The following MAGI1 variants were observed in gnomAD, a reference collection of about 807,000 sequenced individuals.
The protein encoded by MAGI1 is membrane associated guanylate kinase, WW and PDZ domain containing 1, also known as membrane-associated guanylate kinase, WW and PDZ domain-containing protein 1.
A neutral mutation model predicts 139.9 loss-of-function variants in MAGI1; 58 were observed. The ratio of observed to expected loss-of-function variants is 0.41; its 90% CI spans 0.34 to 0.52. MAGI1 has a LOEUF of 0.52. MAGI1 is among the 20% of genes least tolerant of loss of function. The probability of loss-of-function intolerance (pLI) is 0.12; values close to 1 mark genes in which losing one functional copy is unlikely to be tolerated. For missense variants in MAGI1, 1,874 were observed against 1,901.6 expected (o/e 0.99, Z 0.27); for synonymous variants, 812 against 737.9 (o/e 1.10, Z -1.63).
intron 1 of MAGI1, among the ~76,000 whole-genome samples, chr3:65,716,183 A>G (rs980870569): frequency 1.3e-5 from 2 of 152,218 alleles, no homozygotes; most frequent in Non-Finnish European, 2.9e-5. Flanking sequence ...GAGACACTGT[A>G]TCAGATTCAG....
intron 1 of MAGI1, among the ~76,000 whole-genome samples, chr3:65,960,128 A>T (rs1162182285): frequency 1.3e-5 from 2 of 152,044 alleles, no homozygotes; most frequent in African/African-American, 2.4e-5. Flanking sequence ...TTTTAATACT[A>T]GCAACAACAG....
At chr3:66,003,721 G>C (rs751458592) in intron 1 of MAGI1, 6 of 152,148 alleles carry the variant, frequency 3.9e-5, no homozygotes, top group Middle Eastern at 3.4e-3. Flanking sequence ...CACTCACCTC[G>C]GCCTCCTAAA....
intron 1 of MAGI1, among the ~76,000 whole-genome samples, chr3:65,870,803 C>T (rs377658830): frequency 6.6e-6 from 1 of 151,916 alleles, no homozygotes; most frequent in African/African-American, 2.4e-5. Flanking sequence ...GATATTCAGG[C>T]CGGGCATGGT....
chr3:65,705,329 G>A (rs1206263532), intron 1 of MAGI1, among the ~76,000 whole-genome samples: 2 of 152,120 alleles, frequency 1.3e-5, no homozygotes, highest in Admixed American at 6.5e-5. Context: ...GCTATGATGT[G>A]CTTTTTGAAT....
intron 1 of MAGI1, among the ~76,000 whole-genome samples, chr3:65,768,419 C>CA (rs1001295051): frequency 3.3e-4 from 47 of 141,082 alleles, no homozygotes; most frequent in Middle Eastern, 3.6e-3. Context: ...GATTCAATCT[C>CA]AAAAAAAAAA....
chr3:65,729,860 T>C (rs369988757), intron 1 of MAGI1, among the ~76,000 whole-genome samples: 5 of 152,184 alleles, frequency 3.3e-5, no homozygotes, highest in African/African-American at 7.2e-5. Flanking sequence ...AGGCAGAACA[T>C]TAAAATCACC....
At chr3:65,831,025 T>C (rs569087413) in intron 1 of MAGI1, among the ~76,000 whole-genome samples, 7 of 152,246 alleles carry the variant, frequency 4.6e-5, no homozygotes, top group South Asian at 2.1e-4. Context: ...TGAGCTCCAA[T>C]TGCTAAATGA....
At chr3:65,980,436 G>A (rs867109717) in intron 1 of MAGI1, among the ~76,000 whole-genome samples, 1 of 151,970 alleles carries the variant, frequency 6.6e-6, no homozygotes, top group South Asian at 2.1e-4. Flanking sequence ...GGTGGTGCAC[G>A]CCTATAATCC....
intron 1 of MAGI1, among the ~76,000 whole-genome samples, chr3:65,983,701 T>A (rs2065712674): frequency 6.6e-6 from 1 of 152,170 alleles, no homozygotes; most frequent in Non-Finnish European, 1.5e-5. Flanking sequence ...ACTGATGCCC[T>A]GGCTAACACA....
At chr3:65,854,038 G>A (rs1438088560) in intron 1 of MAGI1, among the ~76,000 whole-genome samples, 3 of 152,090 alleles carry the variant, frequency 2.0e-5, no homozygotes, top group Non-Finnish European at 1.5e-5. Flanking sequence ...AACCAGGGAG[G>A]TGGAGGTTGC....
At chr3:65,602,457 T>C (rs76856154) in intron 2 of MAGI1, among the ~76,000 whole-genome samples, 1,863 of 150,800 alleles carry the variant, frequency 0.012, 38 homozygotes, top group African/African-American at 0.043. Flanking sequence ...CATATTGTGT[T>C]ATTCCATTTA....
intron 12 of MAGI1, among the ~76,000 whole-genome samples, chr3:65,403,784 T>C (rs1317413908): frequency 6.6e-6 from 1 of 152,154 alleles, no homozygotes; most frequent in Non-Finnish European, 1.5e-5. Flanking sequence ...GCTTCATATA[T>C]AAAATAAAGG....
chr3:65,481,840 C>G (rs1951313599), intron 3 of MAGI1, among the ~76,000 whole-genome samples: 1 of 152,238 alleles, frequency 6.6e-6, no homozygotes, highest in Non-Finnish European at 1.5e-5. Context: ...CCTACCCTCA[C>G]TTTTCAAGTT....
intron 1 of MAGI1, among the ~76,000 whole-genome samples, chr3:65,871,295 C>T (rs550260167): frequency 2.0e-5 from 3 of 152,120 alleles, no homozygotes; most frequent in South Asian, 4.2e-4. Context: ...CACTGAATGC[C>T]TCAAGGTGGG....
Position 65,722,577 on chromosome 3 carries a change from G to A in MAGI1, c.314-100489C>T, listed in dbSNP as rs185035195. ...GAGCCCAAGAGCTGGAGGCTGCAGCGAGCCATGATCACACCGCTGCGCTCC... is the reference window on the plus strand; with the variant it reads ...GAGCCCAAGAGCTGGAGGCTGCAGCAAGCCATGATCACACCGCTGCGCTCC... On this transcript the variant is annotated intron_variant, in intron 1 of 22. Transcript: ENST00000402939. Among the ~76,000 whole-genome samples the A allele has an allele frequency of 1.3e-3, 194 of 152,298 alleles. 2 individuals are homozygous for A. The East Asian group carries it at 0.033, about 26-fold the overall frequency.
chr3:65,610,172 T>G (rs1383726918), intron 2 of MAGI1, among the ~76,000 whole-genome samples: 2 of 152,164 alleles, frequency 1.3e-5, no homozygotes, highest in Non-Finnish European at 2.9e-5. Flanking sequence ...CCCTACAGCA[T>G]CCTTGACTCA....
intron 1 of MAGI1, among the ~76,000 whole-genome samples, chr3:65,855,696 T>C (rs1321700781): frequency 7.3e-6 from 1 of 137,268 alleles, no homozygotes; most frequent in African/African-American, 2.8e-5. Context: ...AAAGAAAACA[T>C]AATTAAATAA....
At chr3:65,760,625 C>G (rs1278921864) in intron 1 of MAGI1, among the ~76,000 whole-genome samples, 1 of 152,106 alleles carries the variant, frequency 6.6e-6, no homozygotes, top group East Asian at 1.9e-4. Context: ...CCAGTCTGGT[C>G]TCAAACTCCT....
intron 3 of MAGI1, among the ~76,000 whole-genome samples, chr3:65,482,232 C>T (rs1951336685): frequency 6.6e-6 from 1 of 152,190 alleles, no homozygotes; most frequent in South Asian, 2.1e-4. Flanking sequence ...TCTAAGAGAA[C>T]CTAGTTTACA....
Sources: gnomAD v4.1 joint callset for allele counts (sites outside exome capture counted in the v4.1 genomes callset) on GRCh38, gnomAD v4.1.1 for gene constraint, MANE v1.5 for transcripts, NCBI Gene and HGNC (gene_info 2026-07-23, HGNC 2026-07-21) for gene names.